THSD7A: variants seen among roughly 807,000 people sequenced by gnomAD.
THSD7A encodes the protein thrombospondin type-1 domain-containing protein 7A.
THSD7A carries 96 observed loss-of-function variants against 231.3 expected under a neutral mutation model. That is an observed-to-expected ratio of 0.41 (90% CI 0.35 to 0.49). The LOEUF is 0.49. Ranked by LOEUF, THSD7A falls within the 20% of genes least tolerant of loss-of-function variation. THSD7A has a pLI of 0.05. For missense variants in THSD7A, 2,290 were observed against 2,070.2 expected (o/e 1.11, Z -2.06); for synonymous variants, 940 against 743.3 (o/e 1.26, Z -4.30).
chr7:11,627,881 T>C (rs972226478), intron 2 of THSD7A, among the ~76,000 whole-genome samples: 5 of 151,992 alleles, frequency 3.3e-5, no homozygotes, highest in Non-Finnish European at 5.9e-5. Context: ...CTTTAACTGA[T>C]TGGAAAAAGA....
At chr7:11,478,477 C>A (rs916612503) in intron 7 of THSD7A, among the ~76,000 whole-genome samples, 4 of 152,136 alleles carry the variant, frequency 2.6e-5, no homozygotes, top group Admixed American at 2.6e-4. Flanking sequence ...AGATCACCAA[C>A]AGACCTCCTA....
At chr7:11,463,269 C>CA (rs1785572909) in intron 9 of THSD7A, among the ~76,000 whole-genome samples, 1 of 152,150 alleles carries the variant, frequency 6.6e-6, no homozygotes, top group African/African-American at 2.4e-5. Flanking sequence ...AGATATTCTT[C>CA]AACACGGTCT....
chr7:11,587,427 C>T (rs993802662), intron 4 of THSD7A, among the ~76,000 whole-genome samples: 4 of 152,050 alleles, frequency 2.6e-5, no homozygotes, highest in African/African-American at 9.7e-5. Flanking sequence ...GAATAGTTGT[C>T]AGGATTGGGA....
rs1781267075 is a variant in THSD7A at position 11,620,488 on chromosome 7, A to T, written c.1022+15642T>A. 2.6e-5 allele frequency among the ~76,000 whole-genome samples: 4 copies of T among 152,276 alleles called. No homozygotes were observed. In the Middle Eastern group the frequency reaches 0.014, roughly 518 times the overall value. On this transcript the variant is annotated intron_variant, in intron 2 of 27. Transcript: ENST00000423059. The stretch of plus-strand genomic sequence containing the variant: ...TTTAAAAAAAGACATTATCAACATG[A>T]TCATTTATAATAGAGAAGACCAATG...
In THSD7A at chr7:11,799,295, C is replaced by A. The variant is rs570838242; in HGVS notation, c.190+32462G>T. Among the ~76,000 whole-genome samples the A allele has an allele frequency of 1.3e-4, 20 of 152,192 alleles. No homozygotes were observed. The South Asian group carries it at 3.7e-3, about 28-fold the overall frequency. ...TGCAAGAATACTTAGTAAAAGCATA[C>A]GGATTGGCACAAATAAGTGCTTTAT... On this transcript the variant is annotated intron_variant, in intron 1 of 27. Transcript: ENST00000423059.
chr7:11,761,870 C>T (rs1397710713), intron 1 of THSD7A, among the ~76,000 whole-genome samples: 1 of 151,980 alleles, frequency 6.6e-6, no homozygotes, highest in African/African-American at 2.4e-5. Flanking sequence ...GGACATAGTA[C>T]CCAATAAGTA....
chr7:11,674,508 T>A (rs552049839), intron 1 of THSD7A, among the ~76,000 whole-genome samples: 1 of 152,126 alleles, frequency 6.6e-6, no homozygotes, highest in South Asian at 2.1e-4. Context: ...TTACACCACA[T>A]AACAAAAACA....
chr7:11,783,666 G>A (rs980037044), intron 1 of THSD7A, among the ~76,000 whole-genome samples: 5 of 152,094 alleles, frequency 3.3e-5, no homozygotes, highest in African/African-American at 1.2e-4. Flanking sequence ...TATAGATTTG[G>A]GCAATTGGCA....
At chr7:11,439,898 A>G (rs1394708102) in intron 13 of THSD7A, among the ~76,000 whole-genome samples, 3 of 152,080 alleles carry the variant, frequency 2.0e-5, no homozygotes, top group African/African-American at 7.2e-5. Flanking sequence ...TGACTACATT[A>G]AGCAACAGAT....
At chr7:11,451,656 T>C (rs967812187) in intron 11 of THSD7A, among the ~76,000 whole-genome samples, 7 of 151,990 alleles carry the variant, frequency 4.6e-5, no homozygotes, top group Admixed American at 1.3e-4. Context: ...AGCTATGTTT[T>C]AAAGAGAAAA....
At chr7:11,692,166 G>A (rs1451377707) in intron 1 of THSD7A, among the ~76,000 whole-genome samples, 1 of 151,400 alleles carries the variant, frequency 6.6e-6, no homozygotes, top group Non-Finnish European at 1.5e-5. Flanking sequence ...TAATACAGAA[G>A]GTGGGAGTAG....
rs750830336 is a variant in THSD7A, at chr7:11,372,446, A to C, written c.*3348T>G. 1 of 150,988 alleles carries C rather than the reference A, an allele frequency of 6.6e-6. No individual in the cohort carries two copies. Among genetic ancestry groups the C allele is most frequent in the African/African-American group, 2.4e-5 (1 of 41,040 alleles). The allele number at this position is 150,988 out of a possible 1,614,324, so 9.4% of individuals were successfully genotyped here. A position where few individuals can be genotyped will look rare whatever the true frequency, so the allele number is the denominator to read the frequency against. On this transcript the variant is annotated 3_prime_UTR_variant, in exon 28 of 28. Coordinates refer to ENST00000423059, the MANE Select transcript of THSD7A (RefSeq NM_015204.3). ...TATAAGTAATTAAAAACAAGCTTTT[A>C]TGCACTCTTTTTAAATTCACTTAAG...
intron 13 of THSD7A, among the ~76,000 whole-genome samples, chr7:11,430,870 C>T (rs1469346032): frequency 2.6e-5 from 4 of 152,176 alleles, no homozygotes; most frequent in African/African-American, 7.2e-5. Flanking sequence ...ATTGTATGGA[C>T]ATTTCACATT....
At chr7:11,701,686 T>G (rs149830534) in intron 1 of THSD7A, among the ~76,000 whole-genome samples, 1 of 151,324 alleles carries the variant, frequency 6.6e-6, no homozygotes, top group African/African-American at 2.4e-5. Flanking sequence ...AACTGACATT[T>G]AGCATTTCTA....
intron 1 of THSD7A, among the ~76,000 whole-genome samples, chr7:11,705,804 T>G (rs1225945451): frequency 1.3e-5 from 2 of 151,126 alleles, no homozygotes; most frequent in East Asian, 3.9e-4. Flanking sequence ...AAATCTTTCA[T>G]GTTTCAAAAA....
At chr7:11,463,683 T>C (rs1785590366) in intron 9 of THSD7A, among the ~76,000 whole-genome samples, 4 of 152,146 alleles carry the variant, frequency 2.6e-5, no homozygotes, top group Non-Finnish European at 5.9e-5. Context: ...GCTAGAAGTA[T>C]TGGGCAGCAG....
intron 23 of THSD7A, among the ~76,000 whole-genome samples, chr7:11,388,525 T>A (rs141875282): frequency 3.3e-5 from 5 of 152,250 alleles, no homozygotes; most frequent in African/African-American, 1.2e-4. Context: ...TTCCGTGGGA[T>A]CACTGGTGAC....
At chr7:11,504,369 A>C (rs1440394990) in intron 6 of THSD7A, among the ~76,000 whole-genome samples, 1 of 152,146 alleles carries the variant, frequency 6.6e-6, no homozygotes, top group East Asian at 1.9e-4. Context: ...ACTGAGCTTA[A>C]TACCTGGGTA....
At chr7:11,639,198 G>C (rs1781982976) in intron 1 of THSD7A, among the ~76,000 whole-genome samples, 1 of 152,056 alleles carries the variant, frequency 6.6e-6, no homozygotes, top group Admixed American at 6.5e-5. Flanking sequence ...TGAACTTCCT[G>C]ATATATTATT....
Sources: allele counts gnomAD v4.1 joint callset (sites outside exome capture counted in the v4.1 genomes callset), GRCh38; gene constraint gnomAD v4.1.1; transcripts MANE v1.5; gene names NCBI Gene and HGNC (gene_info 2026-07-23, HGNC 2026-07-21).